CAPN12: variants seen among roughly 807,000 people sequenced by gnomAD.
The protein encoded by CAPN12 is calpain 12.
CAPN12 carries 107 observed loss-of-function variants against 95.0 expected under a neutral mutation model. The ratio of observed to expected loss-of-function variants is 1.13; its 90% CI spans 0.96 to 1.32. The LOEUF (loss-of-function observed/expected upper bound fraction) is 1.32, where lower values mean the gene tolerates loss of function less well. CAPN12 is among the 40% of genes most tolerant of loss of function. CAPN12 has a pLI of 0.00. For missense variants in CAPN12, 1,136 were observed against 997.8 expected, an observed-to-expected ratio of 1.14 and a Z score of -1.87; for synonymous variants, 505 against 415.5, an observed-to-expected ratio of 1.22 and a Z score of -2.62.
intron 4 of CAPN12, among the ~76,000 whole-genome samples, 189 bp downstream of exon 4, chr19:38,741,588 A>G (rs2145260787): frequency 6.8e-6 from 1 of 146,748 alleles, no homozygotes. Context: ...AAAAAAAAGA[A>G]AAAAAAAAAA....
chr19:38,733,709 C>T lies in CAPN12; in HGVS notation c.1951G>A (p.Ala651Thr), dbSNP rs777334432. The T allele has an allele frequency of 1.2e-6, 2 of 1,613,482 alleles. No homozygotes were observed. The highest frequency in any genetic ancestry group is 1.3e-5 in the African/African-American group (1 of 75,062). ...NSYELRLALN[A>T]AGFHLNNQLT... ...CCCAGGACCCTGTCCACACCTGCTG[C>T]ATTCAGTGCCAGCCTCAGCTCGTAG... The change falls in exon 18 of 21, where the codon GCA becomes ACA. Residue 651 changes from alanine to threonine, a missense_variant. Physicochemically the swap from Ala to Thr is moderately conservative, Grantham distance 58. Transcript: ENST00000328867.
intron 15 of CAPN12, 179 bp downstream of exon 15, chr19:38,734,634 G>T: frequency 1.5e-6 from 1 of 664,476 alleles, no homozygotes; most frequent in Non-Finnish European, 2.5e-6. Flanking sequence ...AGCAGCCGTG[G>T]CCCAGGTCAC....
In CAPN12 at chr19:38,734,332, A is replaced by G; in HGVS notation, c.1802T>C (p.Leu601Pro). 6.2e-7 allele frequency: 1 copy of G among 1,608,122 alleles called. No individual in the cohort carries two copies. Among genetic ancestry groups the G allele is most frequent in the Non-Finnish European group, 8.5e-7 (1 of 1,176,910 alleles). The change falls in exon 16 of 21, where the codon CTG becomes CCG. Residue 601 changes from leucine to proline, a missense_variant. Leu to Pro is a moderately conservative substitution (Grantham distance 98). Transcript: ENST00000328867. ...CCCCCCATGTACCCCGAAACACTGC[A>G]GCAGCTGCTCACAGGTCCTGAGCCC... ...EIGLRTCEQLLQCFGHGQSLA... is the reference protein window; with the variant it reads ...EIGLRTCEQLPQCFGHGQSLA...
chr19:38,735,013 G>T, intron 14 of CAPN12, 143 bp from the exon 15 acceptor site: 1 of 735,726 alleles, frequency 1.4e-6, no homozygotes, highest in Non-Finnish European at 2.2e-6. Context: ...TCCCCACAGG[G>T]CCAGGGCTGT....
intron 10 of CAPN12, chr19:38,736,828 A>AC (rs1970211080): frequency 1.7e-6 from 1 of 575,350 alleles, no homozygotes; most frequent in Non-Finnish European, 3.1e-6. Context: ...TCTGTCCCTA[A>AC]CCTCGTCCCT....
chr19:38,734,306 G>A lies in CAPN12; in HGVS notation c.1815+13C>T, dbSNP rs760560255. On this transcript the variant is annotated intron_variant, in intron 16 of 20. Coordinates refer to ENST00000328867, the MANE Select transcript of CAPN12 (RefSeq NM_144691.4). Reference sequence around the variant, plus strand: ...CCACTCCCTCCCTCACCCAGGCACTGCCCCCCATGTACCCCGAAACACTGC... The same window carrying A: ...CCACTCCCTCCCTCACCCAGGCACTACCCCCCATGTACCCCGAAACACTGC... 2 of 1,604,536 alleles carry A rather than the reference G, an allele frequency of 1.2e-6. No individual in the cohort carries two copies. The highest frequency in any genetic ancestry group is 1.1e-5 in the South Asian group (1 of 90,088).
chr19:38,734,783 C>T (rs764197361), intron 15 of CAPN12, 30 bp downstream of exon 15: 123 of 1,606,054 alleles, frequency 7.7e-5, no homozygotes, highest in Non-Finnish European at 1.0e-4. Context: ...GCTAAGACCC[C>T]TCCTCCTGCC....
intron 10 of CAPN12, 197 bp from the exon 11 acceptor site, chr19:38,736,760 T>G: frequency 8.3e-5 from 53 of 638,350 alleles, no homozygotes; most frequent in Non-Finnish European, 1.2e-4. Flanking sequence ...CCATCTGCGC[T>G]CCCAGCGCCT....
intron 4 of CAPN12, among the ~76,000 whole-genome samples, chr19:38,740,742 G>A (rs1162608609): frequency 1.3e-5 from 2 of 151,748 alleles, no homozygotes; most frequent in Non-Finnish European, 2.9e-5. Flanking sequence ...GAAGGTTGCA[G>A]TGAGCCAAGA....
chr19:38,733,614 C>T (rs1011128218), intron 18 of CAPN12, 89 bp downstream of exon 18: 59 of 1,206,562 alleles, frequency 4.9e-5, no homozygotes, highest in South Asian at 1.3e-4. Context: ...ACAGTGCAGA[C>T]GGCCACAGCT....
chr19:38,740,339 G>T, intron 4 of CAPN12, 120 bp from the exon 5 acceptor site: 1 of 1,113,292 alleles, frequency 9.0e-7, no homozygotes, highest in Non-Finnish European at 1.2e-6. Flanking sequence ...AATTCCTGAA[G>T]TTTTGAGACT....
At chr19:38,738,160 C>T (rs1970328065) in intron 8 of CAPN12, 113 bp downstream of exon 8, 4 of 1,054,326 alleles carry the variant, frequency 3.8e-6, no homozygotes, top group South Asian at 2.9e-5. Context: ...AAATTACCAC[C>T]GATGTACACA....
At position 38,738,366 on chromosome 19, in the gene CAPN12, G is replaced by A; in HGVS notation, c.891-19C>T. The A allele has an allele frequency of 6.2e-7, 1 of 1,611,772 alleles. No individual in the cohort carries two copies. Among genetic ancestry groups the A allele is most frequent in the Non-Finnish European group, 8.5e-7 (1 of 1,179,946 alleles). ...TGGGCAGCTGGAGAGACTGTGGTGT[G>A]AGGGGCGGGCAGGTGGGGTCCAGCC... On this transcript the variant is annotated intron_variant, in intron 7 of 20. Coordinates refer to ENST00000328867, the MANE Select transcript of CAPN12 (RefSeq NM_144691.4).
Position 38,734,849 on chromosome 19 carries a change from G to A in CAPN12, c.1708C>T (p.Gln570Ter), listed in dbSNP as rs1969902381. 6 of 1,612,704 alleles carry A rather than the reference G, an allele frequency of 3.7e-6. No homozygotes were observed. Among genetic ancestry groups the A allele is most frequent in the Non-Finnish European group, 5.1e-6 (6 of 1,179,844 alleles). Residue 570 changes from glutamine to a stop codon, truncating the protein, a stop_gained, in exon 15 of 21, where the codon CAG becomes TAG. Transcript: ENST00000328867. LOFTEE classifies it high-confidence loss of function. Reference protein sequence around the residue: ...AGEEEELNASQLQALLSIALE... With the variant: ...AGEEEELNAS ...GCAATGCTTAGTAAGGCCTGGAGCT[G>A]AGAGGCATTGAGTTCTTCCTCCTAG...
At position 38,737,462 on chromosome 19, in the gene CAPN12, C is replaced by T. The variant is rs1376390774; in HGVS notation, c.1129+13G>A. 3 of 1,612,686 alleles carry T rather than the reference C, an allele frequency of 1.9e-6. No homozygotes were observed. In the South Asian group the frequency reaches 3.3e-5, roughly 18 times the overall value. On this transcript the variant is annotated intron_variant, in intron 9 of 20. Coordinates refer to ENST00000328867, the MANE Select transcript of CAPN12 (RefSeq NM_144691.4). ...CCACCCCAGGAAGCCTCTCAGGGCC[C>T]CTCAGGCCTCACCAGCATTAGGCTG...
At chr19:38,740,276 CT>C in intron 4 of CAPN12, 57 bp from the exon 5 acceptor site, 5 of 1,485,272 alleles carry the variant, frequency 3.4e-6, no homozygotes, top group Non-Finnish European at 4.5e-6. Flanking sequence ...TCAGGCACCC[CT>C]GCCCTGGGAT....
intron 15 of CAPN12, 77 bp downstream of exon 15, chr19:38,734,736 A>C: frequency 7.2e-7 from 1 of 1,386,146 alleles, no homozygotes. Flanking sequence ...GGGTTCATAG[A>C]CATAGGGTGG....
In CAPN12 at chr19:38,736,280, G is replaced by A. The variant is rs544589347; in HGVS notation, c.1413C>T (p.Leu471=). The change falls in exon 12 of 21, where the codon CTC becomes CTT. Residue 471 remains leucine (L), a synonymous_variant. Coordinates refer to ENST00000328867, the MANE Select transcript of CAPN12 (RefSeq NM_144691.4). ...GGTCGGCGCGCAGCAGCCGGGGCAG[G>A]AGCGCATGGCTGCGCGGGGAATCCC... ...GLWDSPRSHA[L]LPRLLRADRS... is the part of the protein sequence containing the mutation. 18 of 1,454,970 alleles carry A rather than the reference G, an allele frequency of 1.2e-5. No individual in the cohort carries two copies. The highest frequency in any genetic ancestry group is 8.0e-5 in the Admixed American group (3 of 37,298). 90.1% of individuals were successfully genotyped at this position (1,454,970 alleles called of 1,614,324 possible). A position where few individuals can be genotyped will look rare whatever the true frequency, so the allele number is the denominator to read the frequency against.
Position 38,735,484 on chromosome 19 carries a change from T to C in CAPN12, c.1626+18A>G, listed in dbSNP as rs926053680. ...CAAGATCCCCGCCCCATGCCGCCCC[T>C]CCAGGAACAGTCCCCACCTGGAGAG... On this transcript the variant is annotated intron_variant, in intron 13 of 20. Coordinates refer to ENST00000328867, the MANE Select transcript of CAPN12 (RefSeq NM_144691.4). The C allele has an allele frequency of 6.2e-7, 1 of 1,610,508 alleles. No individual in the cohort carries two copies. Among genetic ancestry groups the C allele is most frequent in the African/African-American group, 1.3e-5 (1 of 74,408 alleles).
Sources: allele counts gnomAD v4.1 joint callset (sites outside exome capture counted in the v4.1 genomes callset), GRCh38; gene constraint gnomAD v4.1.1; transcripts MANE v1.5; gene names NCBI Gene and HGNC (gene_info 2026-07-23, HGNC 2026-07-21).